GALNTL6: variants seen among roughly 807,000 people sequenced by gnomAD.
GALNTL6 encodes polypeptide N-acetylgalactosaminyltransferase like 6, also known as polypeptide N-acetylgalactosaminyltransferase-like 6.
In GALNTL6, 46 loss-of-function variants were observed where a neutral mutation model predicts 73.7. The observed-to-expected ratio is 0.62, with a 90% CI of 0.49 to 0.80. The LOEUF (loss-of-function observed/expected upper bound fraction) is 0.80, where lower values mean the gene tolerates loss of function less well. Ranked by LOEUF, GALNTL6 falls within the 30% of genes least tolerant of loss-of-function variation. GALNTL6 has a pLI of 0.00. For missense variants in GALNTL6, 604 were observed against 755.0 expected (o/e 0.80, Z 2.34); for synonymous variants, 259 against 263.7 (o/e 0.98, Z 0.17).
intron 2 of GALNTL6, among the ~76,000 whole-genome samples, chr4:171,992,820 A>G (rs1740378626): frequency 6.6e-6 from 1 of 152,040 alleles, no homozygotes; most frequent in South Asian, 2.1e-4. Flanking sequence ...ACCTTTCCTA[A>G]CAGAGCATGT....
chr4:171,916,809 G>A (rs1737645985), intron 2 of GALNTL6, among the ~76,000 whole-genome samples: 1 of 151,802 alleles, frequency 6.6e-6, no homozygotes, highest in Admixed American at 6.6e-5. Flanking sequence ...TGGTGTAAAG[G>A]CACTTTGTTA....
At chr4:172,845,703 T>G (rs952036429) in intron 7 of GALNTL6, among the ~76,000 whole-genome samples, 2 of 152,186 alleles carry the variant, frequency 1.3e-5, no homozygotes, top group Admixed American at 1.3e-4. Flanking sequence ...TTAAGTGGAC[T>G]GAAGTGAACC....
intron 2 of GALNTL6, among the ~76,000 whole-genome samples, chr4:171,852,017 A>C (rs886223326): frequency 3.3e-4 from 50 of 152,368 alleles, no homozygotes; most frequent in African/African-American, 1.0e-3. Flanking sequence ...TGAAATGCAA[A>C]ATCAGAGTCT....
At chr4:172,668,200 A>G (rs1731778427) in intron 5 of GALNTL6, 2 of 152,236 alleles carry the variant, frequency 1.3e-5, no homozygotes, top group African/African-American at 2.4e-5. Context: ...CTAGTAGACT[A>G]CATTAGGAAT....
intron 2 of GALNTL6, among the ~76,000 whole-genome samples, chr4:172,215,949 C>T (rs1284388502): frequency 6.6e-6 from 1 of 152,062 alleles, no homozygotes; most frequent in African/African-American, 2.4e-5. Flanking sequence ...CAGTACCTTG[C>T]TTTCTATGTA....
intron 5 of GALNTL6, among the ~76,000 whole-genome samples, chr4:172,568,483 G>A (rs959874573): frequency 1.8e-4 from 27 of 152,064 alleles, no homozygotes; most frequent in African/African-American, 6.5e-4. Context: ...TGGGCCGGGC[G>A]CGGTGGCTCA....
intron 2 of GALNTL6, among the ~76,000 whole-genome samples, chr4:172,182,420 G>A (rs946997742): frequency 6.6e-6 from 1 of 151,888 alleles, no homozygotes; most frequent in African/African-American, 2.4e-5. Context: ...AGCCACATGG[G>A]AATCTTGTAA....
chr4:172,122,775 C>T (rs1417443490), intron 2 of GALNTL6, among the ~76,000 whole-genome samples: 3 of 152,156 alleles, frequency 2.0e-5, no homozygotes, highest in Admixed American at 1.3e-4. Flanking sequence ...TCAGTATCTC[C>T]AAGGATTCTA....
chr4:172,595,865 CA>C (rs781684281), intron 5 of GALNTL6, among the ~76,000 whole-genome samples: 97 of 152,186 alleles, frequency 6.4e-4, no homozygotes, highest in Middle Eastern at 3.4e-3. Flanking sequence ...TTGTCCAAAT[CA>C]AATGGGAGAA....
At chr4:172,086,593 C>G (rs189702574) in intron 2 of GALNTL6, among the ~76,000 whole-genome samples, 27 of 151,968 alleles carry the variant, frequency 1.8e-4, no homozygotes, top group Non-Finnish European at 3.1e-4. Flanking sequence ...GATTAACTGG[C>G]GAGTCATGAT....
chr4:171,846,382 A>G (rs1735368664), intron 2 of GALNTL6, among the ~76,000 whole-genome samples: 1 of 152,128 alleles, frequency 6.6e-6, no homozygotes, highest in African/African-American at 2.4e-5. Flanking sequence ...CTTACATACA[A>G]TCATGGCCAT....
intron 2 of GALNTL6, among the ~76,000 whole-genome samples, chr4:172,213,409 C>T (rs997721480): frequency 1.3e-5 from 2 of 152,122 alleles, no homozygotes; most frequent in African/African-American, 2.4e-5. Context: ...TGTTGCTTTA[C>T]GTCCTCCCTA....
intron 2 of GALNTL6, among the ~76,000 whole-genome samples, chr4:171,974,193 G>T (rs771417022): frequency 2.6e-5 from 4 of 151,410 alleles, no homozygotes; most frequent in Non-Finnish European, 5.9e-5. Flanking sequence ...TTAATAATCC[G>T]TGTATTCTGA....
At chr4:172,018,116 A>G (rs533638301) in intron 2 of GALNTL6, among the ~76,000 whole-genome samples, 1 of 152,144 alleles carries the variant, frequency 6.6e-6, no homozygotes, top group South Asian at 2.1e-4. Flanking sequence ...TTCTGTCATG[A>G]ATTGCTGTAA....
At chr4:172,599,373 C>T (rs974064731) in intron 5 of GALNTL6, among the ~76,000 whole-genome samples, 1 of 151,650 alleles carries the variant, frequency 6.6e-6, no homozygotes, top group African/African-American at 2.4e-5. Context: ...AAAAAGGACT[C>T]TCATATGCCA....
At chr4:172,642,489 A>T (rs1383284364) in intron 5 of GALNTL6, among the ~76,000 whole-genome samples, 1 of 151,984 alleles carries the variant, frequency 6.6e-6, no homozygotes, top group Non-Finnish European at 1.5e-5. Context: ...AGAGACAAAT[A>T]CTACATGATC....
At chr4:172,375,626 G>A (rs1467059382) in intron 5 of GALNTL6, among the ~76,000 whole-genome samples, 1 of 152,186 alleles carries the variant, frequency 6.6e-6, no homozygotes, top group Admixed American at 6.5e-5. Flanking sequence ...GGACCCTGCT[G>A]ATCGGAATAG....
chr4:172,050,699 C>G (rs1730828959), intron 2 of GALNTL6, among the ~76,000 whole-genome samples: 1 of 152,128 alleles, frequency 6.6e-6, no homozygotes, highest in African/African-American at 2.4e-5. Flanking sequence ...TTATTTTGAG[C>G]TATTATCACC....
At chr4:171,946,365 ACAATATTGT>A (rs1438845555) in intron 2 of GALNTL6, among the ~76,000 whole-genome samples, 3 of 152,216 alleles carry the variant, frequency 2.0e-5, no homozygotes, top group Non-Finnish European at 2.9e-5. Flanking sequence ...TGCACCTGTG[ACAATATTGT>A]CTAGTTACTG....
Sources: gnomAD v4.1 joint callset for allele counts (sites outside exome capture counted in the v4.1 genomes callset) on GRCh38, gnomAD v4.1.1 for gene constraint, MANE v1.5 for transcripts, NCBI Gene and HGNC (gene_info 2026-07-23, HGNC 2026-07-21) for gene names.